The following ANKS1B variants were observed in gnomAD, a reference collection of about 807,000 sequenced individuals.
ANKS1B encodes ankyrin repeat and sterile alpha motif domain-containing protein 1B.
Under a neutral mutation model 148.3 loss-of-function variants are expected in ANKS1B, and 36 were observed. That is an observed-to-expected ratio of 0.24 (90% CI 0.19 to 0.32). The LOEUF (loss-of-function observed/expected upper bound fraction) is 0.32, where lower values mean the gene tolerates loss of function less well. Ranked by LOEUF, ANKS1B falls within the 10% of genes least tolerant of loss-of-function variation. The probability of loss-of-function intolerance (pLI) is 1.00; values close to 1 mark genes in which losing one functional copy is unlikely to be tolerated. For missense variants in ANKS1B, 1,157 were observed against 1,542.6 expected (o/e 0.75, Z 4.19); for synonymous variants, 542 against 560.8 (o/e 0.97, Z 0.47).
intron 1 of ANKS1B, among the ~76,000 whole-genome samples, chr12:99,930,000 T>G (rs1193856059): frequency 6.6e-6 from 1 of 152,060 alleles, no homozygotes; most frequent in Non-Finnish European, 1.5e-5. Flanking sequence ...TGGTTCCACA[T>G]GAACTTTAAA....
intron 16 of ANKS1B, among the ~76,000 whole-genome samples, chr12:99,058,163 T>C (rs377395088): frequency 6.6e-6 from 1 of 151,750 alleles, no homozygotes; most frequent in Non-Finnish European, 1.5e-5. Context: ...TTAGGGATGC[T>C]GAATAAGCAA....
intron 4 of ANKS1B, among the ~76,000 whole-genome samples, chr12:99,803,384 T>C (rs1469141944): frequency 6.7e-6 from 1 of 148,922 alleles, no homozygotes; most frequent in Admixed American, 6.8e-5. Flanking sequence ...AAATATATTA[T>C]GGAAGATTCA....
intron 14 of ANKS1B, among the ~76,000 whole-genome samples, chr12:99,197,440 GC>G (rs1434410918): frequency 1.3e-5 from 2 of 152,008 alleles, no homozygotes; most frequent in Non-Finnish European, 2.9e-5. Context: ...CAGAATAGTG[GC>G]CCCCAAAGAT....
At chr12:99,234,017 T>C (rs1222793487) in intron 14 of ANKS1B, among the ~76,000 whole-genome samples, 1 of 152,104 alleles carries the variant, frequency 6.6e-6, no homozygotes, top group East Asian at 1.9e-4. Flanking sequence ...TGATCCTTCA[T>C]CTCCATTGCT....
intron 9 of ANKS1B, among the ~76,000 whole-genome samples, chr12:99,592,407 G>T (rs115736689): frequency 0.012 from 1,781 of 150,904 alleles, 45 homozygotes; most frequent in African/African-American, 0.041. Context: ...GATGGTAAGG[G>T]TATTTCATTC....
At chr12:99,273,873 C>T (rs988243212) in intron 12 of ANKS1B, among the ~76,000 whole-genome samples, 3 of 152,050 alleles carry the variant, frequency 2.0e-5, no homozygotes, top group Admixed American at 6.6e-5. Flanking sequence ...GTGTAAGCCA[C>T]GGCACCCGGC....
chr12:99,936,816 A>G (rs1174876775), intron 1 of ANKS1B, among the ~76,000 whole-genome samples: 1 of 152,226 alleles, frequency 6.6e-6, no homozygotes, highest in Non-Finnish European at 1.5e-5. Flanking sequence ...AAGTGTAAGT[A>G]TTCAATGGTT....
At position 99,559,114 on chromosome 12, in the gene ANKS1B, T is replaced by A. The variant is rs1009602536; in HGVS notation, c.1273-54473A>T. The stretch of plus-strand genomic sequence containing the variant: ...GCTTCAGCCCAGCAACTGAATCCTC[T>A]CTCCATCCACTCTCAATGCCTTCTC... On this transcript the variant is annotated intron_variant, in intron 9 of 26. Coordinates refer to ENST00000683438, the MANE Select transcript of ANKS1B (RefSeq NM_001352186.2). Among the ~76,000 whole-genome samples, 5 of 152,082 alleles carry A rather than the reference T, an allele frequency of 3.3e-5. 1 individual carries two copies. The highest frequency in any genetic ancestry group is 2.0e-4 in the Admixed American group (3 of 15,258).
intron 9 of ANKS1B, among the ~76,000 whole-genome samples, chr12:99,587,397 C>G (rs781436145): frequency 2.0e-5 from 3 of 152,084 alleles, no homozygotes; most frequent in Non-Finnish European, 4.4e-5. Context: ...AATAGAAAGC[C>G]TAAGAAGTTT....
chr12:99,233,013 T>G (rs1358231364), intron 14 of ANKS1B, among the ~76,000 whole-genome samples: 1 of 152,034 alleles, frequency 6.6e-6, no homozygotes, highest in East Asian at 1.9e-4. Context: ...TTGACTGTAT[T>G]TTGACAAGCC....
At chr12:99,155,213 T>G in intron 14 of ANKS1B, 2 of 1,106,878 alleles carry the variant, frequency 1.8e-6, no homozygotes, top group Non-Finnish European at 2.5e-6. Context: ...TCCTGTCTTT[T>G]CTTCTTCCTT....
chr12:99,472,286 C>T (rs2152907017), intron 10 of ANKS1B, among the ~76,000 whole-genome samples: 2 of 152,214 alleles, frequency 1.3e-5, no homozygotes, highest in Middle Eastern at 6.8e-3. Context: ...CTGGCTCGGT[C>T]AGTCAGTAAC....
At chr12:98,774,399 T>C (rs1372156202) in intron 24 of ANKS1B, among the ~76,000 whole-genome samples, 6 of 152,186 alleles carry the variant, frequency 3.9e-5, no homozygotes, top group Non-Finnish European at 8.8e-5. Flanking sequence ...TCTTCCCTGG[T>C]GGGAGAAAGG....
chr12:99,628,659 A>G (rs2098131415), intron 9 of ANKS1B, among the ~76,000 whole-genome samples: 1 of 152,164 alleles, frequency 6.6e-6, no homozygotes, highest in Non-Finnish European at 1.5e-5. Flanking sequence ...CAAAAATTAG[A>G]GATTTATTTG....
At chr12:99,903,286 C>T (rs1451353492) in intron 1 of ANKS1B, among the ~76,000 whole-genome samples, 6 of 152,208 alleles carry the variant, frequency 3.9e-5, no homozygotes, top group African/African-American at 1.4e-4. Context: ...AAGAATCACA[C>T]TCTCTTAGCT....
At chr12:98,928,000 T>C (rs1046907551) in intron 17 of ANKS1B, among the ~76,000 whole-genome samples, 1 of 151,418 alleles carries the variant, frequency 6.6e-6, no homozygotes, top group Non-Finnish European at 1.5e-5. Context: ...AAAAGTGTAT[T>C]CTTTGAAAAG....
intron 13 of ANKS1B, among the ~76,000 whole-genome samples, chr12:99,245,005 C>T (rs1173398452): frequency 2.0e-5 from 3 of 152,164 alleles, no homozygotes; most frequent in African/African-American, 7.2e-5. Flanking sequence ...CAGGCATATG[C>T]CACCACACCT....
intron 1 of ANKS1B, among the ~76,000 whole-genome samples, chr12:99,923,400 T>C (rs181320616): frequency 6.6e-6 from 1 of 152,326 alleles, no homozygotes; most frequent in Admixed American, 6.5e-5. Context: ...GATCCCAAGA[T>C]AAAGGCAGAG....
In ANKS1B at chr12:98,781,104, G is replaced by A. The variant is rs2098731033; in HGVS notation, c.3441+13C>T. Reference sequence around the variant, plus strand: ...CATCTGGTGTCTAAACCAGAGAGAGGAGTGGTACTTACCTTATTTGTTGCA... The same window carrying A: ...CATCTGGTGTCTAAACCAGAGAGAGAAGTGGTACTTACCTTATTTGTTGCA... On this transcript the variant is annotated intron_variant, in intron 24 of 26. Transcript: ENST00000683438. The A allele has an allele frequency of 2.0e-6, 3 of 1,508,922 alleles. No homozygotes were observed. The highest frequency in any genetic ancestry group is 1.4e-5 in the African/African-American group (1 of 72,644). 93.5% of individuals were successfully genotyped at this position (1,508,922 alleles called of 1,614,324 possible). A position where few individuals can be genotyped will look rare whatever the true frequency, so the allele number is the denominator to read the frequency against.
Sources: allele counts gnomAD v4.1 joint callset (sites outside exome capture counted in the v4.1 genomes callset), GRCh38; gene constraint gnomAD v4.1.1; transcripts MANE v1.5; gene names NCBI Gene and HGNC (gene_info 2026-07-23, HGNC 2026-07-21).